SHISA6: variants seen among roughly 807,000 people sequenced by gnomAD.
The protein encoded by SHISA6 is protein shisa-6.
Under a neutral mutation model 47.9 loss-of-function variants are expected in SHISA6, and 22 were observed. The observed-to-expected ratio is 0.46, with a 90% CI of 0.33 to 0.66. The LOEUF is 0.66. SHISA6 is among the 30% of genes least tolerant of loss of function. SHISA6 has a pLI of 0.02. For missense variants in SHISA6, 680 were observed against 764.6 expected (o/e 0.89, Z 1.30); for synonymous variants, 388 against 337.8 (o/e 1.15, Z -1.63).
At chr17:11,331,415 A>G (rs1911107018) in intron 2 of SHISA6, among the ~76,000 whole-genome samples, 1 of 152,202 alleles carries the variant, frequency 6.6e-6, no homozygotes, top group South Asian at 2.1e-4. Context: ...CCAATTAAAT[A>G]GGATTTACAG....
chr17:11,551,500 A>C (rs571099171), intron 3 of SHISA6, among the ~76,000 whole-genome samples: 5 of 152,140 alleles, frequency 3.3e-5, no homozygotes, highest in Non-Finnish European at 7.4e-5. Context: ...ATTTTGGTTA[A>C]CCACACCCTA....
intron 2 of SHISA6, among the ~76,000 whole-genome samples, chr17:11,286,528 C>T (rs1567561112): frequency 6.6e-6 from 1 of 152,164 alleles, no homozygotes; most frequent in Non-Finnish European, 1.5e-5. Flanking sequence ...ACTCATTCTG[C>T]CCTTGACCCA....
At chr17:11,339,426 A>AC (rs11368499) in intron 2 of SHISA6, among the ~76,000 whole-genome samples, 118,039 of 151,858 alleles carry the variant, frequency 0.78, 46,327 homozygotes, top group Non-Finnish European at 0.84. Context: ...GATTCACTAC[A>AC]CCCCCCCTCC....
intron 3 of SHISA6, among the ~76,000 whole-genome samples, chr17:11,386,709 G>A (rs944829622): frequency 6.6e-6 from 1 of 152,210 alleles, no homozygotes; most frequent in Admixed American, 6.5e-5. Context: ...CTCAGGCGGG[G>A]CGCTGGCCTT....
intron 3 of SHISA6, among the ~76,000 whole-genome samples, chr17:11,424,256 T>C (rs1181022291): frequency 6.6e-6 from 1 of 152,204 alleles, no homozygotes; most frequent in Non-Finnish European, 1.5e-5. Flanking sequence ...GCTTCTTACA[T>C]AGAAATAAAT....
chr17:11,458,460 A>G (rs1915607547), intron 3 of SHISA6, among the ~76,000 whole-genome samples: 1 of 152,160 alleles, frequency 6.6e-6, no homozygotes, highest in Admixed American at 6.5e-5. Flanking sequence ...GACGCCGAAG[A>G]AGGAGTGATG....
chr17:11,386,673 T>G (rs1913204942), intron 3 of SHISA6, among the ~76,000 whole-genome samples: 1 of 152,154 alleles, frequency 6.6e-6, no homozygotes, highest in African/African-American at 2.4e-5. Context: ...ACATTCTTGG[T>G]AAGTGAAAGC....
chr17:11,258,937 A>G (rs986602189), intron 1 of SHISA6, among the ~76,000 whole-genome samples: 1 of 152,170 alleles, frequency 6.6e-6, no homozygotes, highest in Non-Finnish European at 1.5e-5. Context: ...AAGTGGATGG[A>G]TGGATGGAGT....
At chr17:11,348,988 G>A (rs144547604) in intron 2 of SHISA6, among the ~76,000 whole-genome samples, 103 of 152,306 alleles carry the variant, frequency 6.8e-4, no homozygotes, top group African/African-American at 2.4e-3. Flanking sequence ...AACCATAGGC[G>A]TAGCTCCTAC....
At chr17:11,397,017 A>T (rs1301392571) in intron 3 of SHISA6, among the ~76,000 whole-genome samples, 1 of 152,090 alleles carries the variant, frequency 6.6e-6, no homozygotes, top group Non-Finnish European at 1.5e-5. Context: ...CTCCTATGAA[A>T]CCATCGGGGC....
At chr17:11,317,997 T>A (rs2142193322) in intron 2 of SHISA6, among the ~76,000 whole-genome samples, 1 of 152,330 alleles carries the variant, frequency 6.6e-6, no homozygotes, top group South Asian at 2.1e-4. Flanking sequence ...ATTATTACAC[T>A]TCTGCATTGG....
intron 2 of SHISA6, among the ~76,000 whole-genome samples, chr17:11,285,693 A>C (rs1909270474): frequency 6.6e-6 from 1 of 152,260 alleles, no homozygotes. Flanking sequence ...TGTGTTTACT[A>C]TGAAAACCTG....
chr17:11,548,094 C>T (rs981447587), intron 3 of SHISA6, among the ~76,000 whole-genome samples: 6 of 152,220 alleles, frequency 3.9e-5, no homozygotes, highest in East Asian at 1.9e-4. Context: ...CTGTTAGCTA[C>T]GCAACATTCG....
intron 3 of SHISA6, chr17:11,380,047 T>G (rs949950400): frequency 2.0e-5 from 3 of 153,762 alleles, no homozygotes; most frequent in African/African-American, 7.2e-5. Flanking sequence ...ACCTAGAGTT[T>G]CTGCTGAGCT....
chr17:11,527,641 C>G (rs1038433124), intron 3 of SHISA6, among the ~76,000 whole-genome samples: 2 of 152,054 alleles, frequency 1.3e-5, no homozygotes, highest in African/African-American at 4.8e-5. Flanking sequence ...GAGAGTGGGT[C>G]AAATCTGGCC....
At chr17:11,382,306 T>C (rs1913038173) in intron 3 of SHISA6, among the ~76,000 whole-genome samples, 1 of 152,174 alleles carries the variant, frequency 6.6e-6, no homozygotes, top group South Asian at 2.1e-4. Flanking sequence ...CTCAAACTCC[T>C]GGCCTCAAGT....
At chr17:11,385,896 G>A (rs1913176583) in intron 3 of SHISA6, among the ~76,000 whole-genome samples, 1 of 151,936 alleles carries the variant, frequency 6.6e-6, no homozygotes, top group Non-Finnish European at 1.5e-5. Flanking sequence ...AGACTGTAGA[G>A]AAATCCAGTG....
intron 2 of SHISA6, among the ~76,000 whole-genome samples, chr17:11,299,379 G>T (rs901279567): frequency 6.6e-6 from 1 of 150,984 alleles, no homozygotes; most frequent in African/African-American, 2.4e-5. Flanking sequence ...TTTTTTCAAT[G>T]CAGGAACTGA....
chr17:11,375,755 T>C (rs1597482548), intron 2 of SHISA6, among the ~76,000 whole-genome samples: 2 of 152,124 alleles, frequency 1.3e-5, no homozygotes, highest in East Asian at 1.9e-4. Flanking sequence ...GGGAAAGGCA[T>C]GGAGTTCTGA....
Sources: gnomAD v4.1 joint callset for allele counts (sites outside exome capture counted in the v4.1 genomes callset) on GRCh38, gnomAD v4.1.1 for gene constraint, MANE v1.5 for transcripts, NCBI Gene and HGNC (gene_info 2026-07-23, HGNC 2026-07-21) for gene names.